Variants in HERPUD2 observed in about 807,000 individuals in gnomAD.
The protein encoded by HERPUD2 is homocysteine-responsive endoplasmic reticulum-resident ubiquitin-like domain member 2 protein.
Under a neutral mutation model 49.9 loss-of-function variants are expected in HERPUD2, and 13 were observed. The observed-to-expected ratio is 0.26, with a 90% CI of 0.17 to 0.41. HERPUD2 has a LOEUF of 0.41. Among genes scored for constraint, HERPUD2 ranks in the 10% least tolerant of loss-of-function variants. The pLI, the probability that HERPUD2 is intolerant of heterozygous loss-of-function variation, is 1.00. For synonymous variants in HERPUD2, 172 were observed against 171.4 expected, an observed-to-expected ratio of 1.00 and a Z score of -0.03; for missense variants, 449 against 492.2, an observed-to-expected ratio of 0.91 and a Z score of 0.83.
intron 5 of HERPUD2, among the ~76,000 whole-genome samples, chr7:35,665,243 C>T (rs538686576): frequency 6.6e-6 from 1 of 152,364 alleles, no homozygotes; most frequent in East Asian, 1.9e-4. Flanking sequence ...AGGGAGGCCT[C>T]CTTGAGCTGA....
At chr7:35,636,529 A>ATCTTACACAG (rs1784873923) in intron 6 of HERPUD2, among the ~76,000 whole-genome samples, 10 of 152,236 alleles carry the variant, frequency 6.6e-5, no homozygotes, top group Admixed American at 6.5e-4. Context: ...AGCCCCCCTT[A>ATCTTACACAG]TCTTACACAG....
At chr7:35,654,064 C>T (rs865934786) in intron 5 of HERPUD2, among the ~76,000 whole-genome samples, 35 of 151,908 alleles carry the variant, frequency 2.3e-4, no homozygotes, top group African/African-American at 8.2e-4. Context: ...TGGAATACAA[C>T]AAAAGTGGTG....
intron 5 of HERPUD2, among the ~76,000 whole-genome samples, chr7:35,647,148 C>A (rs1469179986): frequency 6.6e-6 from 1 of 152,048 alleles, no homozygotes; most frequent in Non-Finnish European, 1.5e-5. Context: ...ATTAGCCTTG[C>A]TTCCCCCACC....
chr7:35,694,653 T>G, intron 1 of HERPUD2, 26 bp from the exon 2 acceptor site: 3 of 315,900 alleles, frequency 9.5e-6, no homozygotes, highest in Non-Finnish European at 1.2e-5. Flanking sequence ...GTGGGAGGGA[T>G]GAGGGCACAA....
chr7:35,671,694 C>T (rs557265263), intron 3 of HERPUD2, among the ~76,000 whole-genome samples: 1 of 151,968 alleles, frequency 6.6e-6, no homozygotes, highest in African/African-American at 2.4e-5. Context: ...GTTGAAAGAA[C>T]TATTCAAAAC....
intron 2 of HERPUD2, among the ~76,000 whole-genome samples, chr7:35,691,758 T>C (rs185868598): frequency 1.2e-4 from 19 of 152,328 alleles, no homozygotes; most frequent in African/African-American, 4.6e-4. Flanking sequence ...CTGTGCTGAA[T>C]TCTAAATAAT....
intron 2 of HERPUD2, 96 bp from the exon 3 acceptor site, chr7:35,673,374 CT>C: frequency 1.1e-6 from 1 of 878,628 alleles, no homozygotes; most frequent in Non-Finnish European, 1.8e-6. Context: ...ATAAAACTCC[CT>C]TTAGGCACAA....
chr7:35,655,172 A>G (rs1383751323), intron 5 of HERPUD2, among the ~76,000 whole-genome samples: 1 of 152,184 alleles, frequency 6.6e-6, no homozygotes, highest in African/African-American at 2.4e-5. Flanking sequence ...CTTATAAAGA[A>G]GAATTAACAC....
intron 3 of HERPUD2, among the ~76,000 whole-genome samples, chr7:35,672,760 CAA>C (rs1443736053): frequency 2.0e-5 from 3 of 152,160 alleles, no homozygotes; most frequent in African/African-American, 4.8e-5. Context: ...TCAGCACCCA[CAA>C]AGTTTGCTAA....
intron 2 of HERPUD2, among the ~76,000 whole-genome samples, chr7:35,685,255 G>T (rs1328468940): frequency 6.8e-6 from 1 of 146,740 alleles, no homozygotes; most frequent in East Asian, 2.1e-4. Flanking sequence ...AAACAGAAAA[G>T]AAAACAGAAA....
At chr7:35,652,185 C>G (rs1469248151) in intron 5 of HERPUD2, among the ~76,000 whole-genome samples, 2 of 152,166 alleles carry the variant, frequency 1.3e-5, no homozygotes, top group African/African-American at 4.8e-5. Context: ...CCTATAAATG[C>G]TCCTAAGGAA....
At chr7:35,655,769 G>C (rs1295427940) in intron 5 of HERPUD2, among the ~76,000 whole-genome samples, 2 of 152,118 alleles carry the variant, frequency 1.3e-5, no homozygotes, top group African/African-American at 4.8e-5. Flanking sequence ...TGTAGATAAA[G>C]ACTCCACCAA....
rs1332976503 is a variant in HERPUD2 at position 35,674,398 on chromosome 7, TATATATAGAGAGAGAG to T, written c.148-1136_148-1121del. Among the ~76,000 whole-genome samples, 8 of 61,364 alleles carry T rather than the reference TATATATAGAGAGAGAG, an allele frequency of 1.3e-4. No homozygotes were observed. In the East Asian group the frequency reaches 2.2e-3, roughly 17 times the overall value. 40.3% of individuals were successfully genotyped at this position (61,364 alleles called of 152,430 possible). On this transcript the variant is annotated intron_variant, in intron 2 of 8. Coordinates refer to ENST00000311350, the MANE Select transcript of HERPUD2 (RefSeq NM_022373.5). ...TACAACCTATATATATATATATATA[TATATATAGAGAGAGAG>T]AGAGAGAGAGAGAGAGAGAGAGAGA... is the stretch of plus-strand genomic sequence containing the variant.
chr7:35,634,777 A>G (rs1369905837), intron 7 of HERPUD2, among the ~76,000 whole-genome samples: 1 of 152,216 alleles, frequency 6.6e-6, no homozygotes, highest in Non-Finnish European at 1.5e-5. Context: ...TCTACTTATG[A>G]AAAAAATCTG....
Position 35,640,426 on chromosome 7 carries a change from CT to C in HERPUD2, c.495-1955del, listed in dbSNP as rs1308482659. Reference sequence around the variant, plus strand: ...AAGGGAGAAAAGCCACTAACCATTACTTTTTTAAAAAGTTATAGCTTCCCAT... The same window carrying C: ...AAGGGAGAAAAGCCACTAACCATTACTTTTTAAAAAGTTATAGCTTCCCAT... On this transcript the variant is annotated intron_variant, in intron 5 of 8. Coordinates refer to ENST00000311350, the MANE Select transcript of HERPUD2 (RefSeq NM_022373.5). 2.0e-5 allele frequency among the ~76,000 whole-genome samples: 3 copies of C among 152,156 alleles called. No homozygotes were observed. The South Asian group carries it at 6.2e-4, about 32-fold the overall frequency.
chr7:35,684,980 C>A (rs1490951924), intron 2 of HERPUD2, among the ~76,000 whole-genome samples: 1 of 152,138 alleles, frequency 6.6e-6, no homozygotes, highest in Non-Finnish European at 1.5e-5. Context: ...GTTTCTCACA[C>A]CTGTAATCCC....
chr7:35,635,872 G>C (rs1404929512), intron 6 of HERPUD2, among the ~76,000 whole-genome samples: 3 of 152,052 alleles, frequency 2.0e-5, no homozygotes, highest in African/African-American at 4.8e-5. Flanking sequence ...GTTTTGAAAG[G>C]CTTGTCTAAA....
chr7:35,686,742 A>AC lies in HERPUD2; in HGVS notation c.147+7441_147+7442insG, dbSNP rs1319526236. Reference sequence around the variant, plus strand: ...TCAAAAAAAAAAAAAAAAAAAAAAAAAAACCAAACCCATTTCCAGGCCAGG... The same window carrying AC: ...TCAAAAAAAAAAAAAAAAAAAAAAAACAAACCAAACCCATTTCCAGGCCAGG... On this transcript the variant is annotated intron_variant, in intron 2 of 8. Transcript: ENST00000311350. 5.3e-5 allele frequency among the ~76,000 whole-genome samples: 6 copies of AC among 112,462 alleles called. 1 individual carries two copies. The East Asian group carries it at 1.9e-3, about 35-fold the overall frequency. 73.8% of individuals were successfully genotyped at this position (112,462 alleles called of 152,430 possible). A position where few individuals can be genotyped will look rare whatever the true frequency, so the allele number is the denominator to read the frequency against.
At chr7:35,652,006 G>A (rs1785178719) in intron 5 of HERPUD2, among the ~76,000 whole-genome samples, 1 of 152,120 alleles carries the variant, frequency 6.6e-6, no homozygotes, top group African/African-American at 2.4e-5. Context: ...GTCATCCAGA[G>A]GCAAAACTCC....
Sources: gnomAD v4.1 joint callset for allele counts (sites outside exome capture counted in the v4.1 genomes callset) on GRCh38, gnomAD v4.1.1 for gene constraint, MANE v1.5 for transcripts, NCBI Gene and HGNC (gene_info 2026-07-23, HGNC 2026-07-21) for gene names.